PRAM1: variants seen among roughly 807,000 people sequenced by gnomAD.
PRAM1 encodes the protein PML-RARA-regulated adapter molecule 1.
PRAM1 carries 41 observed loss-of-function variants against 55.3 expected under a neutral mutation model. The observed-to-expected ratio is 0.74, with a 90% CI of 0.58 to 0.96. PRAM1 has a LOEUF of 0.96. Ranked by LOEUF, PRAM1 falls within the 40% of genes least tolerant of loss-of-function variation. The pLI, the probability that PRAM1 is intolerant of heterozygous loss-of-function variation, is 0.00. For synonymous variants in PRAM1, 401 were observed against 387.1 expected (o/e 1.04, Z -0.42); for missense variants, 898 against 892.7 (o/e 1.01, Z -0.08).
Position 8,498,876 on chromosome 19 carries a change from G to T in PRAM1, c.932C>A (p.Pro311Gln). ...EVSVLPKRPR[P>Q]AEFKALSKKP... ...CTTGGAGAGCGCTTTGAATTCGGCC[G>T]GCCGCGGCCTCTTGGGAAGCACGCT... Residue 311 changes from proline (P) to glutamine (Q), a missense_variant, in exon 2 of 10, where the codon CCG becomes CAG. Pro to Gln is a moderately conservative substitution (Grantham distance 76, BLOSUM62 -1). Transcript: ENST00000423345. The T allele has an allele frequency of 6.2e-7, 1 of 1,611,892 alleles. No individual in the cohort carries two copies. The highest frequency in any genetic ancestry group is 1.3e-5 in the African/African-American group (1 of 74,712).
At position 8,490,414 on chromosome 19, in the gene PRAM1, A is replaced by T. The variant is rs756214468; in HGVS notation, c.1941-42T>A. 2.5e-6 allele frequency: 4 copies of T among 1,613,638 alleles called. No homozygotes were observed. Among genetic ancestry groups the T allele is most frequent in the Non-Finnish European group, 3.4e-6 (4 of 1,179,832 alleles). On this transcript the variant is annotated intron_variant, in intron 8 of 9. Transcript: ENST00000423345. The surrounding 1 kb of genome is among the most constrained non-coding windows in gnomAD (Gnocchi z 7.3). ...GGGTCAGCAAGGGGCACCGTGGCCC[A>T]TTCCCCCCACCCTGCACCACACACC... is the stretch of plus-strand genomic sequence containing the variant.
Position 8,490,149 on chromosome 19 carries a change from G to T in PRAM1, c.*40C>A. The T allele has an allele frequency of 6.6e-7, 1 of 1,506,870 alleles. No homozygotes were observed. Among genetic ancestry groups the T allele is most frequent in the Non-Finnish European group, 8.9e-7 (1 of 1,122,966 alleles). The allele number at this position is 1,506,870 out of a possible 1,614,324, so 93.3% of individuals were successfully genotyped here. A position where few individuals can be genotyped will look rare whatever the true frequency, so the allele number is the denominator to read the frequency against. The stretch of plus-strand genomic sequence containing the variant: ...ATCCAGGGCTCCTGGGTGAGCGGGC[G>T]CTGGGCTGGCTGGCTGTCCTGGCCC... On this transcript the variant is annotated 3_prime_UTR_variant, in exon 10 of 10. Coordinates refer to ENST00000423345, the MANE Select transcript of PRAM1 (RefSeq NM_032152.5). This position sits in a 1 kb window ranked among gnomAD's most constrained non-coding sequence, Gnocchi z 7.3.
chr19:8,501,249 G>A (rs1296752201), intron 1 of PRAM1, among the ~76,000 whole-genome samples: 12 of 150,984 alleles, frequency 7.9e-5, no homozygotes, highest in African/African-American at 2.4e-4. Flanking sequence ...CTGCCACGAC[G>A]CCTGGCTAAT....
chr19:8,495,719 AT>A (rs1971691061), intron 4 of PRAM1, among the ~76,000 whole-genome samples: 1 of 144,604 alleles, frequency 6.9e-6, no homozygotes, highest in African/African-American at 2.6e-5. Context: ...TTAAGGACAG[AT>A]TTAGGGACAT....
At chr19:8,496,841 C>A (rs1388704720) in intron 4 of PRAM1, among the ~76,000 whole-genome samples, 1 of 151,742 alleles carries the variant, frequency 6.6e-6, no homozygotes, top group African/African-American at 2.4e-5. Context: ...ATCGAGACCA[C>A]GGTGAAACCC....
chr19:8,497,682 A>T, intron 4 of PRAM1, 82 bp downstream of exon 4: 2 of 1,179,200 alleles, frequency 1.7e-6, no homozygotes, highest in Non-Finnish European at 2.5e-6. Context: ...CTAAAATGTT[A>T]CTTGCTCTTA....
Position 8,498,439 on chromosome 19 carries a change from G to C in PRAM1, c.1369C>G (p.Pro457Ala). 6.3e-7 allele frequency: 1 copy of C among 1,581,124 alleles called. No homozygotes were observed. The highest frequency in any genetic ancestry group is 8.6e-7 in the Non-Finnish European group (1 of 1,163,104). ...TCCACGGGCCCCGGGGGCAGCGGGG[G>C]CTTGGCTGGAGGGTGTCCCAGGCTG... ...ASSLGHPPAK[P>A]PLPPGPVDMQ... The change falls in exon 2 of 10, where the codon CCC (proline) becomes GCC (alanine). Residue 457 changes from proline to alanine, a missense_variant. This residue lies in a region of PRAM1 where 787 missense variants were observed against 735.4 expected (regional missense o/e 1.07). Transcript: ENST00000423345.
chr19:8,491,049 G>C (rs1231406471), intron 5 of PRAM1, 51 bp downstream of exon 5: 8 of 1,611,910 alleles, frequency 5.0e-6, no homozygotes, highest in African/African-American at 1.3e-5. Flanking sequence ...TGCTCCTCTG[G>C]GGGTTCCTGG....
At position 8,490,184 on chromosome 19, in the gene PRAM1, C is replaced by G. The variant is rs765683161; in HGVS notation, c.*5G>C. The stretch of plus-strand genomic sequence containing the variant: ...CTGGCTGTCCTGGCCCCACGCCTAC[C>G]GGTCTTACCGTCCCAGGGGGAGTGG... On this transcript the variant is annotated 3_prime_UTR_variant, in exon 10 of 10. Coordinates refer to ENST00000423345, the MANE Select transcript of PRAM1 (RefSeq NM_032152.5). This position sits in a 1 kb window ranked among gnomAD's most constrained non-coding sequence, Gnocchi z 7.3. The G allele has an allele frequency of 1.3e-6, 2 of 1,571,684 alleles. No homozygotes were observed. Among genetic ancestry groups the G allele is most frequent in the East Asian group, 2.3e-5 (1 of 43,954 alleles).
Position 8,498,572 on chromosome 19 carries a change from C to G in PRAM1, c.1236G>C (p.Ala412=), listed in dbSNP as rs2910435. ...SRHPLSPGFG[A]AGTPRWRSGG... ...CTGACCTCCAGCGGGGTGTCCCAGC[C>G]GCTCCAAACCCAGGGCTGAGCGGGT... The change falls in exon 2 of 10, where the codon GCG becomes GCC. Residue 412 remains alanine (A), a synonymous_variant. Coordinates refer to ENST00000423345, the MANE Select transcript of PRAM1 (RefSeq NM_032152.5). 0.99 allele frequency: 1,601,057 copies of G among 1,612,436 alleles called. 794,900 individuals are homozygous for G. The highest frequency in any genetic ancestry group is 1 in the East Asian group (44,860 of 44,860).
rs1283926862 is a variant in PRAM1 at position 8,491,001 on chromosome 19, AG to A, written c.1635-7del. On this transcript the variant is annotated splice_region_variant and splice_polypyrimidine_tract_variant and intron_variant, in intron 5 of 9. Transcript: ENST00000423345. ...GCTGGGGATCCTTCTCCTTCCTGAT[AG>A]CCCCCACCAAGGAATTGTGTGCTCG... 10 of 1,612,320 alleles carry A rather than the reference AG, an allele frequency of 6.2e-6. No homozygotes were observed. Among genetic ancestry groups the A allele is most frequent in the Admixed American group, 5.0e-5 (3 of 59,916 alleles).
Position 8,498,510 on chromosome 19 carries a change from AGGCCT to A in PRAM1, c.1293_1297del (p.Gly432GlnfsTer63). 6.2e-7 allele frequency: 1 copy of A among 1,600,500 alleles called. No homozygotes were observed. The highest frequency in any genetic ancestry group is 8.5e-7 in the Non-Finnish European group (1 of 1,173,064). On this transcript the variant is annotated frameshift_variant, in exon 2 of 10. Coordinates refer to ENST00000423345, the MANE Select transcript of PRAM1 (RefSeq NM_032152.5). LOFTEE classifies it high-confidence loss of function. The stretch of plus-strand genomic sequence containing the variant: ...CCGCCGGGGTGGATGGCTGGGTCTG[AGGCCT>A]GGCCTGGCCCCTCCACTGTGAACCA...
chr19:8,490,996 C>T lies in PRAM1; in HGVS notation c.1635-1G>A. Reference sequence around the variant, plus strand: ...CTGTGGCTGGGGATCCTTCTCCTTCCTGATAGCCCCCACCAAGGAATTGTG... The same window carrying T: ...CTGTGGCTGGGGATCCTTCTCCTTCTTGATAGCCCCCACCAAGGAATTGTG... On this transcript the variant is annotated splice_acceptor_variant, in intron 5 of 9. Coordinates refer to ENST00000423345, the MANE Select transcript of PRAM1 (RefSeq NM_032152.5). LOFTEE classifies it high-confidence loss of function. The surrounding 1 kb of genome is among the most constrained non-coding windows in gnomAD (Gnocchi z 7.3). 6.2e-7 allele frequency: 1 copy of T among 1,613,524 alleles called. No homozygotes were observed. The highest frequency in any genetic ancestry group is 8.5e-7 in the Non-Finnish European group (1 of 1,179,844).
intron 3 of PRAM1, 145 bp from the exon 4 acceptor site, chr19:8,497,985 G>A (rs978573806): frequency 1.4e-6 from 1 of 731,006 alleles, no homozygotes; most frequent in South Asian, 1.9e-5. Flanking sequence ...GGGTTCAAGC[G>A]ATTCTCCTGC....
At position 8,490,976 on chromosome 19, in the gene PRAM1, G is replaced by A. The variant is rs1356843959; in HGVS notation, c.1654C>T (p.Pro552Ser). The change falls in exon 6 of 10, where the codon CCA becomes TCA. Residue 552 changes from proline to serine, a missense_variant. Around this residue, in one of 4 missense-constraint regions of PRAM1, gnomAD observed 787 missense variants for 735.4 expected, o/e 1.07. Coordinates refer to ENST00000423345, the MANE Select transcript of PRAM1 (RefSeq NM_032152.5). The surrounding 1 kb of genome is among the most constrained non-coding windows in gnomAD (Gnocchi z 7.3). ...GGGTCCATGGGTGGCAACTGCTGTG[G>A]CTGGGGATCCTTCTCCTTCCTGATA... ...PALRKEKDPQ[P>S]QQLPPMDPKL... The A allele has an allele frequency of 1.2e-6, 2 of 1,613,424 alleles. No homozygotes were observed. The highest frequency in any genetic ancestry group is 2.2e-5 in the East Asian group (1 of 44,864).
At position 8,491,106 on chromosome 19, in the gene PRAM1, G is replaced by T. The variant is rs377229945; in HGVS notation, c.1628C>A (p.Ala543Glu). Residue 543 changes from alanine (A) to glutamate (E), a missense_variant, in exon 5 of 10, where the codon GCG becomes GAG. Ala to Glu is a moderately radical substitution (Grantham distance 107). Around this residue, in one of 4 missense-constraint regions of PRAM1, gnomAD observed 787 missense variants for 735.4 expected, o/e 1.07. Coordinates refer to ENST00000423345, the MANE Select transcript of PRAM1 (RefSeq NM_032152.5). ...CCCCCTCTGCCCATGGCACCTGAGC[G>T]CTGGGTCTTGTGGTGGCCTCCTGGC... is the stretch of plus-strand genomic sequence containing the variant. ...QAARRPPQDP[A>E]LRKEKDPQPQ... 1 of 1,612,192 alleles carries T rather than the reference G, an allele frequency of 6.2e-7. No homozygotes were observed. The highest frequency in any genetic ancestry group is 2.2e-5 in the East Asian group (1 of 44,870).
chr19:8,502,115 C>G (rs1971814086), intron 1 of PRAM1, among the ~76,000 whole-genome samples: 1 of 152,170 alleles, frequency 6.6e-6, no homozygotes, highest in Non-Finnish European at 1.5e-5. Context: ...CTGTCAAAGC[C>G]CCGAGTGGTT....
intron 1 of PRAM1, among the ~76,000 whole-genome samples, chr19:8,500,834 C>T (rs1470700367): frequency 5.9e-5 from 9 of 152,140 alleles, no homozygotes; most frequent in East Asian, 5.8e-4. Flanking sequence ...GGCGCGATCT[C>T]GGCTCACTGC....
intron 4 of PRAM1, among the ~76,000 whole-genome samples, chr19:8,494,567 G>A (rs189332083): frequency 4.7e-4 from 71 of 152,212 alleles, no homozygotes; most frequent in Non-Finnish European, 8.8e-4. Flanking sequence ...GATCCAGCTC[G>A]TGGACCAGCT....
Sources: gnomAD v4.1 joint callset for allele counts (sites outside exome capture counted in the v4.1 genomes callset) on GRCh38, gnomAD v4.1.1 for gene constraint, gnomAD v4.1.1 regional missense constraint, Gnocchi (gnomAD v3.1) non-coding constraint, MANE v1.5 for transcripts, NCBI Gene and HGNC (gene_info 2026-07-23, HGNC 2026-07-21) for gene names.